The following TMEM119 variants were observed in gnomAD, a reference collection of about 807,000 sequenced individuals.
The protein encoded by TMEM119 is osteoblast induction factor.
For missense variants in TMEM119, 410 were observed against 381.0 expected, an observed-to-expected ratio of 1.08 and a Z score of -0.63; for synonymous variants, 182 against 176.4, an observed-to-expected ratio of 1.03 and a Z score of -0.25.
rs1230659209 is a variant in TMEM119 at position 108,597,989 on chromosome 12, A to C, written c.-34T>G. 6.6e-6 allele frequency: 1 copy of C among 152,376 alleles called. No homozygotes were observed. The highest frequency in any genetic ancestry group is 1.5e-5 in the Non-Finnish European group (1 of 68,182). 9.4% of individuals were successfully genotyped at this position (152,376 alleles called of 1,614,324 possible). A position where few individuals can be genotyped will look rare whatever the true frequency, so the allele number is the denominator to read the frequency against. On this transcript the variant is annotated 5_prime_UTR_variant, in exon 1 of 2. Transcript: ENST00000392806. The stretch of plus-strand genomic sequence containing the variant: ...ACTCACCAGTTCCTTGGCGTACAGG[A>C]CTGGGTGCTCCCGCCGAATGGAGCG...
rs778118094 is a variant in TMEM119 at position 108,592,210 on chromosome 12, C to A, written c.174G>T (p.Trp58Cys). The change falls in exon 2 of 2, where the codon TGG becomes TGT. Residue 58 changes from tryptophan to cysteine, a missense_variant. Transcript: ENST00000392806. This position sits in a 1 kb window ranked among gnomAD's most constrained non-coding sequence, Gnocchi z 4.3. ...TCGATGTGGGGCTGAGGGCCGGGGT[C>A]CAGGGTGGCGGGAGGCTCGGGGAGG... ...SASSPSLPPP[W>C]TPALSPTSMG... 2 of 1,613,138 alleles carry A rather than the reference C, an allele frequency of 1.2e-6. No homozygotes were observed. The highest frequency in any genetic ancestry group is 4.5e-5 in the East Asian group (2 of 44,820).
chr12:108,591,604 G>A lies in TMEM119; in HGVS notation c.780C>T (p.Ala260=), dbSNP rs1358166482. ...GACCCACTGGTCCCTGGGCTTCCTGGGCTAACAAGAGAGACCCTTCCAGCT... is the reference window on the plus strand; with the variant it reads ...GACCCACTGGTCCCTGGGCTTCCTGAGCTAACAAGAGAGACCCTTCCAGCT... ...QGELEGSLLL[A]QEAQGPVGPP... is the part of the protein sequence containing the mutation. The change falls in exon 2 of 2, where the codon GCC becomes GCT. Residue 260 remains alanine (A), a synonymous_variant. Coordinates refer to ENST00000392806, the MANE Select transcript of TMEM119 (RefSeq NM_181724.3). This position sits in a 1 kb window ranked among gnomAD's most constrained non-coding sequence, Gnocchi z 4.2. 6.2e-7 allele frequency: 1 copy of A among 1,613,858 alleles called. No homozygotes were observed. Among genetic ancestry groups the A allele is most frequent in the Admixed American group, 1.7e-5 (1 of 60,002 alleles).
At chr12:108,595,286 A>G (rs1388040651) in intron 1 of TMEM119, among the ~76,000 whole-genome samples, 5 of 150,496 alleles carry the variant, frequency 3.3e-5, no homozygotes, top group Admixed American at 6.6e-5. Flanking sequence ...CCCCATACAC[A>G]CCCCACACAT....
intron 1 of TMEM119, among the ~76,000 whole-genome samples, chr12:108,597,383 G>C (rs1323517080): frequency 6.6e-6 from 1 of 152,022 alleles, no homozygotes; most frequent in African/African-American, 2.4e-5. Flanking sequence ...CCCGACCCCA[G>C]GGCCAGCCAA....
Position 108,591,475 on chromosome 12 carries a change from A to T in TMEM119, c.*57T>A, listed in dbSNP as rs543021765. 1.3e-6 allele frequency: 2 copies of T among 1,515,520 alleles called. No homozygotes were observed. The highest frequency in any genetic ancestry group is 1.4e-5 in the African/African-American group (1 of 71,850). 93.9% of individuals were successfully genotyped at this position (1,515,520 alleles called of 1,614,324 possible). On this transcript the variant is annotated 3_prime_UTR_variant, in exon 2 of 2. Coordinates refer to ENST00000392806, the MANE Select transcript of TMEM119 (RefSeq NM_181724.3). This position sits in a 1 kb window ranked among gnomAD's most constrained non-coding sequence, Gnocchi z 4.2. ...GTCAGGGCTGAAGGCCTTTTCATAC[A>T]CGGGGAGGTGACCACTTGGGGGCCC...
intron 1 of TMEM119, among the ~76,000 whole-genome samples, chr12:108,597,375 C>T (rs1359439416): frequency 6.6e-6 from 1 of 152,108 alleles, no homozygotes; most frequent in South Asian, 2.1e-4. Flanking sequence ...CACATGCCCC[C>T]GACCCCAGGG....
rs1388981000 is a variant in TMEM119 at position 108,591,150 on chromosome 12, C to G, written c.*382G>C. ...ATGTTGCCAGGGCTGGTTTGGAACT[C>G]CTGGTCTCAAGTGATGTCCGCACTT... On this transcript the variant is annotated 3_prime_UTR_variant, in exon 2 of 2. Transcript: ENST00000392806. This position sits in a 1 kb window ranked among gnomAD's most constrained non-coding sequence, Gnocchi z 4.2. The G allele has an allele frequency of 1.1e-5, 2 of 184,638 alleles. No homozygotes were observed. Among genetic ancestry groups the G allele is most frequent in the Non-Finnish European group, 2.2e-5 (2 of 90,068 alleles). 11.4% of individuals were successfully genotyped at this position (184,638 alleles called of 1,614,324 possible). A position where few individuals can be genotyped will look rare whatever the true frequency, so the allele number is the denominator to read the frequency against.
rs762308476 is a variant in TMEM119 at position 108,591,591 on chromosome 12, C to G, written c.793G>C (p.Gly265Arg). ...GSLLLAQEAQ[G>R]PVGPPESPCA... is the part of the protein sequence containing the mutation. ...GGGCTTTCGGGGGGACCCACTGGTC[C>G]CTGGGCTTCCTGGGCTAACAAGAGA... The change falls in exon 2 of 2, where the codon GGA becomes CGA. Residue 265 changes from glycine (G) to arginine (R), a missense_variant. Coordinates refer to ENST00000392806, the MANE Select transcript of TMEM119 (RefSeq NM_181724.3). The surrounding 1 kb of genome is among the most constrained non-coding windows in gnomAD (Gnocchi z 4.2). 1.2e-6 allele frequency: 2 copies of G among 1,613,606 alleles called. No homozygotes were observed. The highest frequency in any genetic ancestry group is 1.7e-5 in the Admixed American group (1 of 59,952).
At chr12:108,594,797 G>A (rs1317450585) in intron 1 of TMEM119, among the ~76,000 whole-genome samples, 2 of 152,034 alleles carry the variant, frequency 1.3e-5, no homozygotes, top group East Asian at 3.9e-4. Context: ...CAGGCCTGGT[G>A]GTGTATGCCT....
intron 1 of TMEM119, among the ~76,000 whole-genome samples, chr12:108,597,148 G>A (rs139990704): frequency 3.5e-4 from 54 of 152,324 alleles, no homozygotes; most frequent in Admixed American, 9.8e-4. Context: ...AGGGCTGGCC[G>A]TGTGTAAGTG....
chr12:108,591,167 TC>T lies in TMEM119; in HGVS notation c.*364del, dbSNP rs199637284. 49 of 200,198 alleles carry T rather than the reference TC, an allele frequency of 2.4e-4. No individual in the cohort carries two copies. In the East Asian group the frequency reaches 5.6e-3, roughly 23 times the overall value. The allele number at this position is 200,198 out of a possible 1,614,324, so 12.4% of individuals were successfully genotyped here. ...TTGGAACTCCTGGTCTCAAGTGATG[TC>T]CGCACTTGGCCTCCCAAAATGCTGA... On this transcript the variant is annotated 3_prime_UTR_variant, in exon 2 of 2. Coordinates refer to ENST00000392806, the MANE Select transcript of TMEM119 (RefSeq NM_181724.3). The surrounding 1 kb of genome is among the most constrained non-coding windows in gnomAD (Gnocchi z 4.2).
At chr12:108,596,280 C>T (rs2031502731) in intron 1 of TMEM119, among the ~76,000 whole-genome samples, 1 of 152,124 alleles carries the variant, frequency 6.6e-6, no homozygotes. Flanking sequence ...CTGGTCCGGC[C>T]GCCACCCAGT....
In TMEM119 at chr12:108,592,598, C is replaced by G. The variant is rs2031433239; in HGVS notation, c.-14-201G>C. 6.6e-6 allele frequency among the ~76,000 whole-genome samples: 1 copy of G among 152,204 alleles called. No individual in the cohort carries two copies. Among genetic ancestry groups the G allele is most frequent in the Non-Finnish European group, 1.5e-5 (1 of 68,022 alleles). On this transcript the variant is annotated intron_variant, in intron 1 of 1. Coordinates refer to ENST00000392806, the MANE Select transcript of TMEM119 (RefSeq NM_181724.3). The surrounding 1 kb of genome is among the most constrained non-coding windows in gnomAD (Gnocchi z 4.3). ...CCACTTCTCTGGAGGTCCCGGAGGTCAGGGGCTGAATCTTATTCATCTCGG... is the reference window on the plus strand; with the variant it reads ...CCACTTCTCTGGAGGTCCCGGAGGTGAGGGGCTGAATCTTATTCATCTCGG...
Position 108,591,658 on chromosome 12 carries a change from C to A in TMEM119, c.726G>T (p.Gly242=). 6.2e-7 allele frequency: 1 copy of A among 1,613,942 alleles called. No individual in the cohort carries two copies. Among genetic ancestry groups the A allele is most frequent in the South Asian group, 1.1e-5 (1 of 91,074 alleles). The change falls in exon 2 of 2, where the codon GGG becomes GGT. Residue 242 remains glycine, a synonymous_variant. Coordinates refer to ENST00000392806, the MANE Select transcript of TMEM119 (RefSeq NM_181724.3). This position sits in a 1 kb window ranked among gnomAD's most constrained non-coding sequence, Gnocchi z 4.2. ...QEEPCSGVLE[G]AVVAGEGQGE... is the part of the protein sequence containing the mutation. ...CTTGGCCCTCACCGGCCACCACAGCCCCCTCAAGGACCCCTGAGCACGGCT... is the reference window on the plus strand; with the variant it reads ...CTTGGCCCTCACCGGCCACCACAGCACCCTCAAGGACCCCTGAGCACGGCT...
intron 1 of TMEM119, among the ~76,000 whole-genome samples, chr12:108,595,326 A>C (rs1315898867): frequency 6.7e-6 from 1 of 150,222 alleles, no homozygotes; most frequent in African/African-American, 2.5e-5. Flanking sequence ...ACACACACAC[A>C]CCCATATACA....
chr12:108,597,689 G>T (rs2031527830), intron 1 of TMEM119, among the ~76,000 whole-genome samples: 1 of 151,832 alleles, frequency 6.6e-6, no homozygotes, highest in Non-Finnish European at 1.5e-5. Flanking sequence ...CACAGATCCT[G>T]GAAGCAACAG....
At chr12:108,593,308 G>A (rs545973479) in intron 1 of TMEM119, among the ~76,000 whole-genome samples, 2 of 152,274 alleles carry the variant, frequency 1.3e-5, no homozygotes, top group Admixed American at 6.5e-5. Flanking sequence ...GGCAGGCATG[G>A]TGTCGTGCCC....
chr12:108,591,975 ACTT>A lies in TMEM119; in HGVS notation c.406_408del (p.Lys136del), dbSNP rs759921224. ...CCGGCCCGGTCACTCTGGTCCACGT[ACTT>A]CTTCTTGGGGAAGGACGATGGGTAA... On this transcript the variant is annotated inframe_deletion, in exon 2 of 2. Coordinates refer to ENST00000392806, the MANE Select transcript of TMEM119 (RefSeq NM_181724.3). This position sits in a 1 kb window ranked among gnomAD's most constrained non-coding sequence, Gnocchi z 4.2. 4 of 1,613,088 alleles carry A rather than the reference ACTT, an allele frequency of 2.5e-6. No individual in the cohort carries two copies. Among genetic ancestry groups the A allele is most frequent in the East Asian group, 4.5e-5 (2 of 44,814 alleles).
chr12:108,591,733 C>T lies in TMEM119; in HGVS notation c.651G>A (p.Gln217=). 6.2e-7 allele frequency: 1 copy of T among 1,606,864 alleles called. No homozygotes were observed. The highest frequency in any genetic ancestry group is 1.1e-5 in the South Asian group (1 of 90,310). ...CTGGGACCCCATGTCCCTGGACTTC[C>T]TGGTCCCCCTCCTGGCTGCCCTTCT... ...EEEKGSQEGD[Q]EVQGHGVPVE... Residue 217 remains glutamine, a synonymous_variant, in exon 2 of 2, where the codon CAG becomes CAA. Coordinates refer to ENST00000392806, the MANE Select transcript of TMEM119 (RefSeq NM_181724.3). The surrounding 1 kb of genome is among the most constrained non-coding windows in gnomAD (Gnocchi z 4.2).
Sources: allele counts gnomAD v4.1 joint callset (sites outside exome capture counted in the v4.1 genomes callset), GRCh38; gene constraint gnomAD v4.1.1; non-coding constraint Gnocchi (gnomAD v3.1); transcripts MANE v1.5; gene names NCBI Gene and HGNC (gene_info 2026-07-23, HGNC 2026-07-21).